Variants in DPP9 observed in about 807,000 individuals in gnomAD.
DPP9 encodes the protein dipeptidyl peptidase 9.
A neutral mutation model predicts 110.7 loss-of-function variants in DPP9; 50 were observed. The ratio of observed to expected loss-of-function variants is 0.45; its 90% CI spans 0.36 to 0.57. DPP9 has a LOEUF of 0.57. Ranked by LOEUF, DPP9 falls within the 20% of genes least tolerant of loss-of-function variation. The pLI, the probability that DPP9 is intolerant of heterozygous loss-of-function variation, is 0.00. For missense variants in DPP9, 1,022 were observed against 1,217.9 expected, an observed-to-expected ratio of 0.84 and a Z score of 2.39; for synonymous variants, 561 against 514.4, an observed-to-expected ratio of 1.09 and a Z score of -1.23.
At chr19:4,679,408 T>C in intron 21 of DPP9, 1 of 216,226 alleles carries the variant, frequency 4.6e-6, no homozygotes. Context: ...CTAGCACCCT[T>C]CACTGCTGCC....
chr19:4,680,656 T>TAAA lies in DPP9; in HGVS notation c.2475-713_2475-711dup, dbSNP rs531015203. ...CTGGGAGGGTGCAGTGAGCTATGATTAAAAAAAAAAAAAAAAAATGCTGAG... is the reference window on the plus strand; with the variant it reads ...CTGGGAGGGTGCAGTGAGCTATGATTAAAAAAAAAAAAAAAAAAAAATGCTGAG... On this transcript the variant is annotated intron_variant, in intron 20 of 21. Transcript: ENST00000262960. 2.4e-4 allele frequency among the ~76,000 whole-genome samples: 31 copies of TAAA among 127,382 alleles called. No individual in the cohort carries two copies. The East Asian group carries it at 4.5e-3, about 18-fold the overall frequency. The allele number at this position is 127,382 out of a possible 152,430, so 83.6% of individuals were successfully genotyped here. A position where few individuals can be genotyped will look rare whatever the true frequency, so the allele number is the denominator to read the frequency against.
rs757668756 is a variant in DPP9, at chr19:4,685,720, G to A, written c.1937C>T (p.Ser646Leu). Residue 646 changes from serine to leucine, a missense_variant, in exon 17 of 22, where the codon TCG becomes TTG. Physicochemically the swap from Ser to Leu is moderately radical, Grantham distance 145 (BLOSUM62 -2). Transcript: ENST00000262960. The surrounding 1 kb of genome is among the most constrained non-coding windows in gnomAD (Gnocchi z 5.8). ...PPEIFHFHTRSDVRLYGMIYK... is the reference protein window; with the variant it reads ...PPEIFHFHTRLDVRLYGMIYK... The stretch of plus-strand genomic sequence containing the variant: ...GATCATGCCGTAGAGCCGCACATCC[G>A]AGCGCGTGTGGAAATGGAAGATCTC... 9 of 1,613,380 alleles carry A rather than the reference G, an allele frequency of 5.6e-6. No homozygotes were observed. Among genetic ancestry groups the A allele is most frequent in the Admixed American group, 3.3e-5 (2 of 59,966 alleles).
At chr19:4,713,718 G>A (rs559274727) in intron 4 of DPP9, among the ~76,000 whole-genome samples, 6 of 152,320 alleles carry the variant, frequency 3.9e-5, no homozygotes, top group East Asian at 3.9e-4. Flanking sequence ...CACCCAGCCC[G>A]GACCAGGTGG....
chr19:4,710,371 G>T lies in DPP9; in HGVS notation c.313+3710C>A, dbSNP rs2092775297. Among the ~76,000 whole-genome samples, 2 of 152,242 alleles carry T rather than the reference G, an allele frequency of 1.3e-5. No homozygotes were observed. Among genetic ancestry groups the T allele is most frequent in the African/African-American group, 4.8e-5 (2 of 41,462 alleles). On this transcript the variant is annotated intron_variant, in intron 4 of 21. Transcript: ENST00000262960. The surrounding 1 kb of genome is among the most constrained non-coding windows in gnomAD (Gnocchi z 5.6). The stretch of plus-strand genomic sequence containing the variant: ...CCTGTGGCCTCCTCCAGCCACAGAA[G>T]TCACCGTTTGCAGTGGGGAGAGGCT...
At chr19:4,719,808 G>C in intron 3 of DPP9, 43 bp downstream of exon 3, 1 of 1,549,184 alleles carries the variant, frequency 6.5e-7, no homozygotes, top group Non-Finnish European at 8.7e-7. Flanking sequence ...TCCAGAAGCT[G>C]GGCCACATCC....
chr19:4,706,075 T>C, intron 4 of DPP9, 105 bp from the exon 5 acceptor site: 2 of 1,021,754 alleles, frequency 2.0e-6, no homozygotes, highest in South Asian at 3.2e-5. Flanking sequence ...TTCTAGAACA[T>C]TCTGCCAGGC....
chr19:4,683,077 G>A (rs2090147861), intron 19 of DPP9: 6 of 1,490,622 alleles, frequency 4.0e-6, no homozygotes, highest in African/African-American at 1.4e-5. Flanking sequence ...CGCCGCAGAG[G>A]GCCGGGTCCC....
chr19:4,699,663 C>A (rs1243015112), intron 10 of DPP9, among the ~76,000 whole-genome samples: 1 of 151,998 alleles, frequency 6.6e-6, no homozygotes, highest in Admixed American at 6.6e-5. Flanking sequence ...TTTGAGATGA[C>A]CCCCAGGTGA....
chr19:4,683,772 GCTAA>G (rs771823361), intron 18 of DPP9, 143 bp from the exon 19 acceptor site: 11 of 1,568,222 alleles, frequency 7.0e-6, no homozygotes, highest in Non-Finnish European at 9.5e-6. Context: ...TCCAGGCCCT[GCTAA>G]CCCTGCCTGC....
At chr19:4,720,058 G>A (rs1167927991) in intron 2 of DPP9, 117 bp from the exon 3 acceptor site, 3 of 856,944 alleles carry the variant, frequency 3.5e-6, no homozygotes, top group East Asian at 5.3e-5. Flanking sequence ...AGCCTCCGGG[G>A]AGCACCCTGA....
chr19:4,675,611 G>A lies in DPP9; in HGVS notation c.*953C>T, dbSNP rs1208109523. ...CTTGGGGACAGGAGGGCTGTCCACA[G>A]GTGGTGCCCCCCGCGGGCCCTGGCC... is the stretch of plus-strand genomic sequence containing the variant. On this transcript the variant is annotated 3_prime_UTR_variant, in exon 22 of 22. Coordinates refer to ENST00000262960, the MANE Select transcript of DPP9 (RefSeq NM_139159.5). The A allele has an allele frequency of 6.6e-6, 1 of 152,202 alleles. No individual in the cohort carries two copies. Among genetic ancestry groups the A allele is most frequent in the Non-Finnish European group, 1.5e-5 (1 of 68,070 alleles). The allele number at this position is 152,202 out of a possible 1,614,324, so 9.4% of individuals were successfully genotyped here.
At chr19:4,719,681 C>T (rs917159195) in intron 3 of DPP9, 170 bp downstream of exon 3, 37 of 770,886 alleles carry the variant, frequency 4.8e-5, no homozygotes, top group South Asian at 3.2e-4. Context: ...GGGGAGACCC[C>T]GCACTACGCC....
intron 10 of DPP9, among the ~76,000 whole-genome samples, chr19:4,699,486 G>A (rs1192628884): frequency 6.6e-6 from 1 of 152,172 alleles, no homozygotes; most frequent in East Asian, 1.9e-4. Flanking sequence ...GGTCCCCTGG[G>A]AGGGCAGGGA....
chr19:4,685,889 G>T lies in DPP9; in HGVS notation c.1886-118C>A. The T allele has an allele frequency of 1.6e-6, 2 of 1,236,578 alleles. No individual in the cohort carries two copies. Among genetic ancestry groups the T allele is most frequent in the Non-Finnish European group, 2.2e-6 (2 of 904,384 alleles). The allele number at this position is 1,236,578 out of a possible 1,614,324, so 76.6% of individuals were successfully genotyped here. A position where few individuals can be genotyped will look rare whatever the true frequency, so the allele number is the denominator to read the frequency against. On this transcript the variant is annotated intron_variant, in intron 16 of 21. Coordinates refer to ENST00000262960, the MANE Select transcript of DPP9 (RefSeq NM_139159.5). This position sits in a 1 kb window ranked among gnomAD's most constrained non-coding sequence, Gnocchi z 5.8. ...GACCAAAGCACCCCCTCTTTTCCTG[G>T]GCTTCCCGAGAGTTGATAATTGAAA...
At chr19:4,720,032 T>A in intron 2 of DPP9, 91 bp from the exon 3 acceptor site, 1 of 1,076,678 alleles carries the variant, frequency 9.3e-7, no homozygotes, top group Non-Finnish European at 1.3e-6. Context: ...TCCTCATTGC[T>A]CCAGGCAGCC....
intron 14 of DPP9, among the ~76,000 whole-genome samples, chr19:4,690,247 T>C (rs2885734): frequency 0.41 from 63,122 of 152,128 alleles, 15,944 homozygotes; most frequent in African/African-American, 0.71. Flanking sequence ...CCTTCACCTG[T>C]GCTGGGATGC....
intron 3 of DPP9, 85 bp downstream of exon 3, chr19:4,719,766 G>A (rs1262853069): frequency 2.0e-5 from 29 of 1,470,632 alleles, no homozygotes; most frequent in Non-Finnish European, 2.6e-5. Context: ...AGGGAAAGAA[G>A]GGGCCTTCCA....
chr19:4,719,488 C>T (rs1005669067), intron 3 of DPP9: 90 of 302,962 alleles, frequency 3.0e-4, no homozygotes, highest in African/African-American at 1.8e-3. Context: ...GCAGTTCTTA[C>T]CCAGGAGTGA....
intron 21 of DPP9, among the ~76,000 whole-genome samples, chr19:4,678,016 C>A (rs1471714101): frequency 6.6e-6 from 1 of 152,232 alleles, no homozygotes; most frequent in East Asian, 1.9e-4. Flanking sequence ...CACCCCACAG[C>A]CTATCTCATC....
Sources: allele counts gnomAD v4.1 joint callset (sites outside exome capture counted in the v4.1 genomes callset), GRCh38; gene constraint gnomAD v4.1.1; non-coding constraint Gnocchi (gnomAD v3.1); transcripts MANE v1.5; gene names NCBI Gene and HGNC (gene_info 2026-07-23, HGNC 2026-07-21).